Variants in PKHD1 observed in about 807,000 individuals in gnomAD.
PKHD1 encodes fibrocystin.
PKHD1 carries 291 observed loss-of-function variants against 412.0 expected under a neutral mutation model. The observed-to-expected ratio is 0.71, with a 90% CI of 0.64 to 0.78. PKHD1 has a LOEUF of 0.78. Ranked by LOEUF, PKHD1 falls within the 30% of genes least tolerant of loss-of-function variation. PKHD1 has a pLI of 0.00. For synonymous variants in PKHD1, 1,777 were observed against 1,821.5 expected (o/e 0.98, Z 0.62); for missense variants, 4,825 against 4,950.7 (o/e 0.97, Z 0.76).
intron 34 of PKHD1, among the ~76,000 whole-genome samples, chr6:52,015,015 A>G (rs1199101828): frequency 2.0e-5 from 3 of 152,210 alleles, no homozygotes; most frequent in Non-Finnish European, 4.4e-5. Flanking sequence ...GGCACCATCA[A>G]CATTCTTGGA....
At chr6:51,657,387 T>C (rs966935094) in intron 61 of PKHD1, among the ~76,000 whole-genome samples, 6 of 152,134 alleles carry the variant, frequency 3.9e-5, no homozygotes, top group African/African-American at 1.4e-4. Context: ...GGATATGGCA[T>C]TTCTTATTCG....
intron 50 of PKHD1, among the ~76,000 whole-genome samples, chr6:51,846,345 C>T (rs1241767014): frequency 2.0e-5 from 3 of 152,184 alleles, no homozygotes; most frequent in Non-Finnish European, 4.4e-5. Flanking sequence ...ACCATTGCCT[C>T]GCCCTCTAAA....
At chr6:51,795,369 A>G (rs1794440209) in intron 52 of PKHD1, among the ~76,000 whole-genome samples, 1 of 152,310 alleles carries the variant, frequency 6.6e-6, no homozygotes, top group Non-Finnish European at 1.5e-5. Flanking sequence ...ATTTTTGCAC[A>G]TTGATTTTGT....
intron 5 of PKHD1, among the ~76,000 whole-genome samples, chr6:52,076,569 A>T (rs1205633010): frequency 6.6e-6 from 1 of 152,202 alleles, no homozygotes; most frequent in Non-Finnish European, 1.5e-5. Context: ...TTAAGGTCAC[A>T]TAGCCCTCTA....
intron 60 of PKHD1, among the ~76,000 whole-genome samples, chr6:51,687,232 C>T (rs1466773921): frequency 6.6e-6 from 1 of 151,888 alleles, no homozygotes; most frequent in African/African-American, 2.4e-5. Context: ...GAAGAAAGTA[C>T]TCTATGAAGA....
chr6:51,760,693 C>T (rs9395715), intron 55 of PKHD1, among the ~76,000 whole-genome samples: 48,609 of 151,922 alleles, frequency 0.32, 9,653 homozygotes, highest in East Asian at 0.7. Context: ...AAAAAAGAAA[C>T]ATTCCAAACA....
intron 61 of PKHD1, among the ~76,000 whole-genome samples, chr6:51,651,166 A>T (rs1770896684): frequency 6.6e-6 from 1 of 152,144 alleles, no homozygotes; most frequent in Non-Finnish European, 1.5e-5. Flanking sequence ...TTTAAAGTTT[A>T]TTGTGAGCAA....
At chr6:51,832,653 C>A (rs1768463990) in intron 51 of PKHD1, among the ~76,000 whole-genome samples, 1 of 151,832 alleles carries the variant, frequency 6.6e-6, no homozygotes, top group African/African-American at 2.4e-5. Context: ...GAGCTCTGAG[C>A]CCAGAGATGA....
In PKHD1 at chr6:51,909,282, C is replaced by A; in HGVS notation, c.6682+1G>T. 6.2e-7 allele frequency: 1 copy of A among 1,612,508 alleles called. No individual in the cohort carries two copies. Among genetic ancestry groups the A allele is most frequent in the Non-Finnish European group, 8.5e-7 (1 of 1,178,798 alleles). ...AAAGTCCTAGGTCCGGACCCCCTTA[C>A]CTCTCATAGCTCCCACCAGAGTGAG... On this transcript the variant is annotated splice_donor_variant, in intron 40 of 66. Transcript: ENST00000371117. LOFTEE classifies it high-confidence loss of function.
At chr6:52,074,644 T>C (rs1562290872) in intron 6 of PKHD1, among the ~76,000 whole-genome samples, 3 of 152,166 alleles carry the variant, frequency 2.0e-5, no homozygotes, top group Non-Finnish European at 4.4e-5. Flanking sequence ...GGCTGACAAA[T>C]GGCCACACCA....
At chr6:51,847,522 A>T (rs1771402975) in intron 50 of PKHD1, among the ~76,000 whole-genome samples, 1 of 152,162 alleles carries the variant, frequency 6.6e-6, no homozygotes. Context: ...CCTTTGAGGT[A>T]GGCCCTATGG....
intron 7 of PKHD1, 94 bp downstream of exon 7, chr6:52,073,362 GTGCCAAC>G (rs1810900865): frequency 1.2e-6 from 1 of 823,788 alleles, no homozygotes; most frequent in Admixed American, 1.7e-5. Context: ...TAGCAATTCT[GTGCCAAC>G]TGCTTACAAT....
rs1431478120 is a variant in PKHD1 at position 51,836,432 on chromosome 6, C to A, written c.8145G>T (p.Val2715=). The part of the protein sequence containing the change: ...GEGQVQVILR[V]KEGMPPTISA... ...AAATAGTTGGGGGCATACCTTCCTT[C>A]ACCCGGAGAATGACTTGAACTTGGC... Residue 2715 remains valine (V), a synonymous_variant, in exon 51 of 67, where the codon GTG becomes GTT. Coordinates refer to ENST00000371117, the MANE Select transcript of PKHD1 (RefSeq NM_138694.4). The A allele has an allele frequency of 3.1e-6, 5 of 1,613,256 alleles. No homozygotes were observed. The highest frequency in any genetic ancestry group is 4.2e-6 in the Non-Finnish European group (5 of 1,179,224).
chr6:51,777,787 T>C (rs1442190805), intron 53 of PKHD1, among the ~76,000 whole-genome samples: 1 of 147,778 alleles, frequency 6.8e-6, no homozygotes, highest in Non-Finnish European at 1.5e-5. Context: ...GTATGCAGAG[T>C]CCCACAAAAA....
chr6:51,796,635 G>A (rs1286438177), intron 52 of PKHD1, among the ~76,000 whole-genome samples: 1 of 151,932 alleles, frequency 6.6e-6, no homozygotes, highest in Admixed American at 6.6e-5. Context: ...TGGGCATTTA[G>A]TGCTATAAAT....
chr6:51,883,656 ACT>A (rs1425975082), intron 45 of PKHD1, among the ~76,000 whole-genome samples: 5 of 152,210 alleles, frequency 3.3e-5, no homozygotes, highest in African/African-American at 9.6e-5. Flanking sequence ...CTACAGAGTC[ACT>A]GTTTGTAATT....
intron 35 of PKHD1, among the ~76,000 whole-genome samples, chr6:51,977,760 T>G (rs967645543): frequency 6.6e-6 from 1 of 152,146 alleles, no homozygotes; most frequent in Non-Finnish European, 1.5e-5. Context: ...AGTATTTGAT[T>G]CCCACCTGGA....
chr6:52,010,842 C>T lies in PKHD1; in HGVS notation c.5601-383G>A, dbSNP rs1372223581. 1.3e-5 allele frequency among the ~76,000 whole-genome samples: 2 copies of T among 152,068 alleles called. 1 individual carries two copies. Among genetic ancestry groups the T allele is most frequent in the African/African-American group, 4.8e-5 (2 of 41,400 alleles). On this transcript the variant is annotated intron_variant, in intron 34 of 66. Coordinates refer to ENST00000371117, the MANE Select transcript of PKHD1 (RefSeq NM_138694.4). ...TTTTATTTTTTTTCTTTTCCCCTTC[C>T]CTCTTCCTGCTCTTACTCATACTTA...
rs34460237 is a variant in PKHD1, at chr6:51,659,605, G to A, written c.10521C>T (p.His3507=). 0.048 allele frequency: 77,532 copies of A among 1,613,518 alleles called. 2,552 individuals are homozygous for A. The highest frequency in any genetic ancestry group is 0.12 in the East Asian group (5,300 of 44,822). ...AVFYHELQSP[H]VFLGESFIPP... is the part of the protein sequence containing the mutation. Reference sequence around the variant, plus strand: ...GAATAAAACTTTCCCCTAAGAAGACGTGGGGGCTCTGGAGCTCATGGTAGA... The same window carrying A: ...GAATAAAACTTTCCCCTAAGAAGACATGGGGGCTCTGGAGCTCATGGTAGA... Residue 3507 remains histidine (H), a synonymous_variant, in exon 61 of 67, where the codon CAC becomes CAT. Transcript: ENST00000371117.
Sources: gnomAD v4.1 joint callset for allele counts (sites outside exome capture counted in the v4.1 genomes callset) on GRCh38, gnomAD v4.1.1 for gene constraint, MANE v1.5 for transcripts, NCBI Gene and HGNC (gene_info 2026-07-23, HGNC 2026-07-21) for gene names.